MECOM: variants seen among roughly 807,000 people sequenced by gnomAD.
MECOM encodes MDS1 and EVI1 complex locus.
A neutral mutation model predicts 116.3 loss-of-function variants in MECOM; 13 were observed. That is an observed-to-expected ratio of 0.11 (90% CI 0.07 to 0.18). MECOM has a LOEUF of 0.18. MECOM is among the 10% of genes least tolerant of loss of function. MECOM has a pLI of 1.00. For missense variants in MECOM, 1,299 were observed against 1,509.0 expected (o/e 0.86, Z 2.31); for synonymous variants, 528 against 535.2 (o/e 0.99, Z 0.19).
rs543889021 is a variant in MECOM at position 169,310,690 on chromosome 3, C to A, written c.375+70497G>T. Among the ~76,000 whole-genome samples the A allele has an allele frequency of 1.8e-4, 28 of 152,314 alleles. 1 individual carries two copies. In the East Asian group the frequency reaches 5.4e-3, roughly 29 times the overall value. ...CATAATCAGTTAATAATTGACTGAT[C>A]TACAGTCTCCTCAGCATTAATTAGT... is the stretch of plus-strand genomic sequence containing the variant. On this transcript the variant is annotated intron_variant, in intron 2 of 16. Transcript: ENST00000651503.
At chr3:169,469,013 G>A (rs541305692) in intron 1 of MECOM, among the ~76,000 whole-genome samples, 9 of 152,112 alleles carry the variant, frequency 5.9e-5, no homozygotes, top group African/African-American at 1.7e-4. Context: ...TCTTTCTAGG[G>A]CAGCGTAAGT....
intron 14 of MECOM, among the ~76,000 whole-genome samples, chr3:169,092,289 C>T (rs1719966225): frequency 6.6e-6 from 1 of 151,800 alleles, no homozygotes; most frequent in African/African-American, 2.4e-5. Context: ...TGAGTAGTCA[C>T]TTAAGAGGAC....
intron 2 of MECOM, among the ~76,000 whole-genome samples, chr3:169,176,872 A>G (rs1745240409): frequency 6.6e-6 from 1 of 152,174 alleles, no homozygotes; most frequent in Admixed American, 6.5e-5. Flanking sequence ...AAAAAGCTCA[A>G]CATCACTGAT....
At chr3:169,221,118 C>G (rs1752078812) in intron 2 of MECOM, among the ~76,000 whole-genome samples, 2 of 152,148 alleles carry the variant, frequency 1.3e-5, no homozygotes, top group African/African-American at 4.8e-5. Context: ...TCTTCTTTTT[C>G]TCATCTGTAA....
intron 1 of MECOM, among the ~76,000 whole-genome samples, chr3:169,587,794 T>C (rs1016876792): frequency 1.3e-5 from 2 of 152,182 alleles, no homozygotes; most frequent in Admixed American, 6.5e-5. Flanking sequence ...GAGTTTCCAG[T>C]TGCGTCTCCA....
At chr3:169,261,493 G>T (rs1377919533) in intron 2 of MECOM, among the ~76,000 whole-genome samples, 2 of 152,150 alleles carry the variant, frequency 1.3e-5, no homozygotes, top group Non-Finnish European at 2.9e-5. Flanking sequence ...GAGGTCAGGA[G>T]TTCAAGACCA....
At chr3:169,550,069 A>C (rs1761194185) in intron 1 of MECOM, among the ~76,000 whole-genome samples, 1 of 152,202 alleles carries the variant, frequency 6.6e-6, no homozygotes, top group Non-Finnish European at 1.5e-5. Context: ...ACTTTGAATG[A>C]TGAGGAAGGG....
chr3:169,191,778 GAAA>G (rs60379667), intron 2 of MECOM, among the ~76,000 whole-genome samples: 3 of 138,860 alleles, frequency 2.2e-5, no homozygotes, highest in Admixed American at 7.3e-5. Flanking sequence ...AAGAAAGAAA[GAAA>G]GAAAGAAAGA....
At chr3:169,275,697 C>G (rs1759494770) in intron 2 of MECOM, among the ~76,000 whole-genome samples, 2 of 152,108 alleles carry the variant, frequency 1.3e-5, no homozygotes, top group African/African-American at 4.8e-5. Flanking sequence ...ATTATAACAG[C>G]TATATGAAAC....
intron 1 of MECOM, among the ~76,000 whole-genome samples, chr3:169,466,415 A>C (rs1748313036): frequency 6.6e-6 from 1 of 152,262 alleles, no homozygotes; most frequent in East Asian, 1.9e-4. Context: ...TAAATGAAAG[A>C]CTGGTTCACT....
chr3:169,577,860 G>A (rs940629909), intron 1 of MECOM, among the ~76,000 whole-genome samples: 8 of 152,074 alleles, frequency 5.3e-5, no homozygotes, highest in Admixed American at 1.3e-4. Context: ...GTCAGTTAAC[G>A]GAGCTCATTG....
Position 169,564,877 on chromosome 3 carries a change from G to C in MECOM, c.37+98459C>G, listed in dbSNP as rs114465511. ...CACAGAGCCTTCCCCAATCCCAGGA[G>C]AAATTTATACATGAAGATCCTTCTG... On this transcript the variant is annotated intron_variant, in intron 1 of 16. Transcript: ENST00000651503. Among the ~76,000 whole-genome samples, 414 of 152,322 alleles carry C rather than the reference G, an allele frequency of 2.7e-3. 3 individuals carry two copies. The highest frequency in any genetic ancestry group is 9.6e-3 in the African/African-American group (397 of 41,560).
In MECOM at chr3:169,594,176, A is replaced by AAAAAAAC. The variant is rs1553894631; in HGVS notation, c.37+69159_37+69160insGTTTTTT. On this transcript the variant is annotated intron_variant, in intron 1 of 16. Transcript: ENST00000651503. ...CCACAAAAAAAAAAAAAAAAAAAAAACACCTTTTCACCTAAGTACCTCAAG... is the reference window on the plus strand; with the variant it reads ...CCACAAAAAAAAAAAAAAAAAAAAAAAAAAAACCACCTTTTCACCTAAGTACCTCAAG... 4.4e-4 allele frequency among the ~76,000 whole-genome samples: 61 copies of AAAAAAAC among 139,800 alleles called. 2 individuals are homozygous for AAAAAAAC. Among genetic ancestry groups the AAAAAAAC allele is most frequent in the African/African-American group, 1.3e-3 (45 of 35,260 alleles). 91.7% of individuals were successfully genotyped at this position (139,800 alleles called of 152,430 possible). A position where few individuals can be genotyped will look rare whatever the true frequency, so the allele number is the denominator to read the frequency against.
intron 2 of MECOM, among the ~76,000 whole-genome samples, chr3:169,350,999 T>A (rs1172513830): frequency 6.6e-6 from 1 of 151,894 alleles, no homozygotes; most frequent in Non-Finnish European, 1.5e-5. Flanking sequence ...AACCCACATA[T>A]AACCTAAAGA....
chr3:169,168,262 T>C (rs1743908151), intron 2 of MECOM, among the ~76,000 whole-genome samples: 1 of 151,816 alleles, frequency 6.6e-6, no homozygotes, highest in Non-Finnish European at 1.5e-5. Context: ...TTGCTCAGGC[T>C]GGACTCAAGT....
At chr3:169,328,728 T>A (rs1227112571) in intron 2 of MECOM, among the ~76,000 whole-genome samples, 1 of 152,112 alleles carries the variant, frequency 6.6e-6, no homozygotes, top group Non-Finnish European at 1.5e-5. Context: ...ACCTACTAAA[T>A]GAAAATGTTA....
rs751654546 is a variant in MECOM, at chr3:169,385,103, C to CAA, written c.38-3581_38-3580dup. 4.9e-3 allele frequency among the ~76,000 whole-genome samples: 395 copies of CAA among 81,178 alleles called. 4 individuals are homozygous for CAA. The highest frequency in any genetic ancestry group is 0.015 in the East Asian group (51 of 3,292). 53.3% of individuals were successfully genotyped at this position (81,178 alleles called of 152,430 possible). A position where few individuals can be genotyped will look rare whatever the true frequency, so the allele number is the denominator to read the frequency against. Reference sequence around the variant, plus strand: ...TGGGCAACAGAGTAAGACCCTGTCTCAAAAAAAAAAAAAAAAAAAAGCATA... The same window carrying CAA: ...TGGGCAACAGAGTAAGACCCTGTCTCAAAAAAAAAAAAAAAAAAAAAAGCATA... On this transcript the variant is annotated intron_variant, in intron 1 of 16. Transcript: ENST00000651503.
intron 1 of MECOM, among the ~76,000 whole-genome samples, chr3:169,576,410 T>G (rs776196949): frequency 1.3e-5 from 2 of 152,126 alleles, no homozygotes; most frequent in African/African-American, 2.4e-5. Flanking sequence ...TAGTTCAAGA[T>G]GAAATGCACC....
intron 2 of MECOM, among the ~76,000 whole-genome samples, chr3:169,235,056 A>G (rs963290099): frequency 2.9e-4 from 44 of 152,340 alleles, no homozygotes; most frequent in Middle Eastern, 3.4e-3. Flanking sequence ...AAAACTTAGG[A>G]AAAATAAACA....
Sources: allele counts gnomAD v4.1 joint callset (sites outside exome capture counted in the v4.1 genomes callset), GRCh38; gene constraint gnomAD v4.1.1; transcripts MANE v1.5; gene names NCBI Gene and HGNC (gene_info 2026-07-23, HGNC 2026-07-21).